Variants in DACH2 observed in about 807,000 individuals in gnomAD.
The protein encoded by DACH2 is dachshund family transcription factor 2.
DACH2 carries 17 observed loss-of-function variants against 35.8 expected under a neutral mutation model. The ratio of observed to expected loss-of-function variants is 0.48; its 90% CI spans 0.33 to 0.71. The LOEUF (loss-of-function observed/expected upper bound fraction) is 0.71. Ranked by LOEUF, DACH2 falls within the 30% of genes least tolerant of loss-of-function variation. DACH2 has a pLI of 0.02. For synonymous variants in DACH2, 195 were observed against 177.3 expected, an observed-to-expected ratio of 1.10 and a Z score of -0.79; for missense variants, 469 against 472.7, an observed-to-expected ratio of 0.99 and a Z score of 0.07.
Position 86,437,821 on chromosome X carries a change from T to C in DACH2, c.527+60959T>C, listed in dbSNP as rs766236276. Among the ~76,000 whole-genome samples, 4 of 110,868 alleles carry C rather than the reference T, an allele frequency of 3.6e-5. No individual in the cohort carries two copies. In the South Asian group the frequency reaches 1.5e-3, roughly 42 times the overall value. On this transcript the variant is annotated intron_variant, in intron 2 of 11. Transcript: ENST00000373125. ...GTTGTGGGATTACTGGTAGTTTTTT[T>C]AGTTTTTTTTTTTCTTGAAGATTTG...
rs11796030 is a variant in DACH2 at position 86,297,799 on chromosome X, G to A, written c.489-79025G>A. Among the ~76,000 whole-genome samples, 517 of 111,999 alleles carry A rather than the reference G, an allele frequency of 4.6e-3. 5 individuals are homozygous for A. Among genetic ancestry groups the A allele is most frequent in the Non-Finnish European group, 7.8e-3 (413 of 53,190 alleles). ...TGTAGACATTTATATATAGTCAATG[G>A]GATATTAATAGGGAAATCGTGTACT... On this transcript the variant is annotated intron_variant, in intron 1 of 11. Coordinates refer to ENST00000373125, the MANE Select transcript of DACH2 (RefSeq NM_053281.3).
intron 1 of DACH2, among the ~76,000 whole-genome samples, chrX:86,355,457 A>G (rs1453693158): frequency 8.9e-6 from 1 of 112,126 alleles, no homozygotes; most frequent in Non-Finnish European, 1.9e-5. Flanking sequence ...CAGTGGCTGA[A>G]CTAATTACAT....
chrX:86,504,241 G>C (rs5922247), intron 2 of DACH2, among the ~76,000 whole-genome samples: 30,412 of 109,788 alleles, frequency 0.28, 3,277 homozygotes, highest in Middle Eastern at 0.43. Context: ...GGGCCACAAA[G>C]TGAATCAATG....
intron 1 of DACH2, among the ~76,000 whole-genome samples, chrX:86,321,341 C>T (rs1296721731): frequency 9.0e-6 from 1 of 111,706 alleles, no homozygotes; most frequent in Non-Finnish European, 1.9e-5. Context: ...ATATAGGGGG[C>T]TTTCTGAGGA....
At chrX:86,720,923 A>G (rs2041398348) in intron 6 of DACH2, among the ~76,000 whole-genome samples, 1 of 112,511 alleles carries the variant, frequency 8.9e-6, no homozygotes, top group Non-Finnish European at 1.9e-5. Flanking sequence ...TGTCTTCTGC[A>G]CACCTGCAGG....
chrX:86,828,973 A>G (rs1251504960), intron 11 of DACH2: 2 of 112,193 alleles, frequency 1.8e-5, no homozygotes, highest in African/African-American at 3.2e-5. Flanking sequence ...AGCACCAAGC[A>G]TCTCCTGCAA....
intron 3 of DACH2, among the ~76,000 whole-genome samples, chrX:86,574,053 T>C (rs2039405932): frequency 8.9e-6 from 1 of 111,855 alleles, no homozygotes; most frequent in African/African-American, 3.2e-5. Flanking sequence ...GACCGAAGTG[T>C]TTAGGAAGTA....
chrX:86,154,846 A>G (rs2030490163), intron 1 of DACH2, among the ~76,000 whole-genome samples: 1 of 111,549 alleles, frequency 9.0e-6, no homozygotes. Context: ...AAGCTTTTAA[A>G]GTGGCGGCAT....
chrX:86,620,118 T>C (rs1239107993), intron 3 of DACH2, among the ~76,000 whole-genome samples: 1 of 112,296 alleles, frequency 8.9e-6, no homozygotes, highest in Non-Finnish European at 1.9e-5. Flanking sequence ...TTATTTAAAG[T>C]GGCTAACTTT....
intron 4 of DACH2, among the ~76,000 whole-genome samples, chrX:86,668,690 C>A (rs1045534543): frequency 3.6e-5 from 4 of 110,995 alleles, no homozygotes; most frequent in African/African-American, 9.8e-5. Context: ...GAGATGTGTA[C>A]AAGAAACAAA....
intron 3 of DACH2, among the ~76,000 whole-genome samples, chrX:86,643,861 A>T (rs1024981843): frequency 9.0e-6 from 1 of 111,659 alleles, no homozygotes; most frequent in African/African-American, 3.3e-5. Context: ...TAAAGACAAA[A>T]ACCAAATGAT....
intron 2 of DACH2, among the ~76,000 whole-genome samples, chrX:86,462,382 G>C (rs1041359745): frequency 9.0e-6 from 1 of 111,356 alleles, no homozygotes; most frequent in Non-Finnish European, 1.9e-5. Flanking sequence ...AATGATGATG[G>C]GAAATTAATA....
At chrX:86,355,213 A>G (rs1360351243) in intron 1 of DACH2, among the ~76,000 whole-genome samples, 1 of 112,344 alleles carries the variant, frequency 8.9e-6, no homozygotes, top group Non-Finnish European at 1.9e-5. Flanking sequence ...AGCTCCATCC[A>G]TCTTGCTACA....
chrX:86,701,196 A>G (rs758746057), intron 5 of DACH2, among the ~76,000 whole-genome samples: 4 of 111,860 alleles, frequency 3.6e-5, no homozygotes, highest in African/African-American at 1.3e-4. Flanking sequence ...GGCATCCAAG[A>G]CTGTTTCAAT....
At chrX:86,566,795 T>G (rs749577456) in intron 3 of DACH2, among the ~76,000 whole-genome samples, 1 of 111,504 alleles carries the variant, frequency 9.0e-6, no homozygotes, top group African/African-American at 3.2e-5. Flanking sequence ...ATTCAATTTC[T>G]TATTTCTTTT....
intron 3 of DACH2, among the ~76,000 whole-genome samples, chrX:86,536,686 T>C (rs2038806009): frequency 8.9e-6 from 1 of 111,932 alleles, no homozygotes; most frequent in African/African-American, 3.3e-5. Flanking sequence ...CTTCAAGATG[T>C]CCCACCTTTC....
At chrX:86,714,299 A>G (rs1379492718) in intron 5 of DACH2, among the ~76,000 whole-genome samples, 1 of 112,119 alleles carries the variant, frequency 8.9e-6, no homozygotes, top group Non-Finnish European at 1.9e-5. Flanking sequence ...AAAATTTTGC[A>G]TCTTATAAAT....
At chrX:86,422,194 T>A (rs1391245803) in intron 2 of DACH2, among the ~76,000 whole-genome samples, 4 of 110,945 alleles carry the variant, frequency 3.6e-5, no homozygotes, top group African/African-American at 6.5e-5. Context: ...ATATATAGTG[T>A]GCATGATGAA....
chrX:86,549,352 A>T lies in DACH2; in HGVS notation c.640+34961A>T, dbSNP rs189186844. ...CCTTGAGACAGCACAGTTTAGATCC[A>T]TAAGGCCATTATCAAGAAATAGTCT... On this transcript the variant is annotated intron_variant, in intron 3 of 11. Coordinates refer to ENST00000373125, the MANE Select transcript of DACH2 (RefSeq NM_053281.3). 1.3e-4 allele frequency among the ~76,000 whole-genome samples: 14 copies of T among 111,523 alleles called. No homozygotes were observed. In the East Asian group the frequency reaches 3.4e-3, roughly 27 times the overall value.
Sources: gnomAD v4.1 joint callset for allele counts (sites outside exome capture counted in the v4.1 genomes callset) on GRCh38, gnomAD v4.1.1 for gene constraint, MANE v1.5 for transcripts, NCBI Gene and HGNC (gene_info 2026-07-23, HGNC 2026-07-21) for gene names.